The following RAPGEF2 variants were observed in gnomAD, a reference collection of about 807,000 sequenced individuals.
RAPGEF2 encodes Rap guanine nucleotide exchange factor 2.
A neutral mutation model predicts 186.7 loss-of-function variants in RAPGEF2; 54 were observed. The observed-to-expected ratio is 0.29, with a 90% CI of 0.23 to 0.36. RAPGEF2 has a LOEUF of 0.36. Ranked by LOEUF, RAPGEF2 falls within the 10% of genes least tolerant of loss-of-function variation. The pLI is 1.00. For missense variants in RAPGEF2, 1,532 were observed against 2,045.0 expected, an observed-to-expected ratio of 0.75 and a Z score of 4.84; for synonymous variants, 712 against 705.9, an observed-to-expected ratio of 1.01 and a Z score of -0.14.
intron 8 of RAPGEF2, among the ~76,000 whole-genome samples, chr4:159,307,829 G>A (rs553855817): frequency 5.3e-5 from 8 of 152,198 alleles, no homozygotes; most frequent in African/African-American, 1.9e-4. Flanking sequence ...AAATTAGCCA[G>A]GTGTAGTGGT....
chr4:159,342,723 A>G (rs1053141177), intron 20 of RAPGEF2, among the ~76,000 whole-genome samples: 1 of 151,908 alleles, frequency 6.6e-6, no homozygotes, highest in Admixed American at 6.6e-5. Flanking sequence ...CAATACTTAC[A>G]TTCAGGTGGT....
chr4:159,355,880 C>CT lies in RAPGEF2; in HGVS notation c.4679_4680insT (p.Pro1562AlafsTer13). ...CGAAAGGAGGGCAGGTATCGAGAGC[C>CT]CCCGCCCACCCCTCCCGGCTACATT... is the stretch of plus-strand genomic sequence containing the variant. On this transcript the variant is annotated frameshift_variant, in exon 29 of 30. Transcript: ENST00000691494. LOFTEE classifies it high-confidence loss of function. 1 of 1,526,972 alleles carries CT rather than the reference C, an allele frequency of 6.5e-7. No individual in the cohort carries two copies. The highest frequency in any genetic ancestry group is 8.9e-7 in the Non-Finnish European group (1 of 1,126,514). 94.6% of individuals were successfully genotyped at this position (1,526,972 alleles called of 1,614,324 possible).
At chr4:159,184,484 G>T (rs1276607178) in intron 1 of RAPGEF2, among the ~76,000 whole-genome samples, 2 of 152,168 alleles carry the variant, frequency 1.3e-5, no homozygotes, top group Non-Finnish European at 2.9e-5. Flanking sequence ...GCATTTCTCT[G>T]ATGGCCAGTG....
At chr4:159,115,193 AT>A (rs1318579824) in intron 1 of RAPGEF2, among the ~76,000 whole-genome samples, 1 of 151,918 alleles carries the variant, frequency 6.6e-6, no homozygotes, top group African/African-American at 2.4e-5. Context: ...AATATTATGT[AT>A]TTTTTTCATA....
intron 4 of RAPGEF2, among the ~76,000 whole-genome samples, chr4:159,236,201 T>C (rs1020717145): frequency 3.9e-5 from 6 of 152,240 alleles, no homozygotes; most frequent in Non-Finnish European, 7.3e-5. Flanking sequence ...AACTCGAGTC[T>C]TTTTATGGTT....
intron 1 of RAPGEF2, among the ~76,000 whole-genome samples, chr4:159,147,722 A>C (rs1743095300): frequency 1.3e-5 from 2 of 152,342 alleles, no homozygotes; most frequent in African/African-American, 4.8e-5. Flanking sequence ...ATTCATATAC[A>C]TGTGAGTAGA....
chr4:159,224,737 C>T (rs543025334), intron 4 of RAPGEF2, among the ~76,000 whole-genome samples: 12 of 152,110 alleles, frequency 7.9e-5, no homozygotes, highest in African/African-American at 2.9e-4. Flanking sequence ...GAAGAGAATC[C>T]CTGGAAGATC....
rs374467858 is a variant in RAPGEF2 at position 159,343,208 on chromosome 4, G to C, written c.3130+18G>C. The C allele has an allele frequency of 6.2e-7, 1 of 1,613,894 alleles. No homozygotes were observed. The highest frequency in any genetic ancestry group is 8.5e-7 in the Non-Finnish European group (1 of 1,179,862). ...TCACGAAGGTAAACATAAGGCAGAG[G>C]GTTTCCATCTTTGCTTGAAGAAGCA... On this transcript the variant is annotated intron_variant, in intron 21 of 29. Coordinates refer to ENST00000691494, the MANE Select transcript of RAPGEF2 (RefSeq NM_001394067.2).
intron 2 of RAPGEF2, among the ~76,000 whole-genome samples, chr4:159,188,657 A>G (rs1432613801): frequency 7.0e-6 from 1 of 143,744 alleles, no homozygotes; most frequent in East Asian, 2.0e-4. Flanking sequence ...GAATGAGACT[A>G]CATCTCAAAA....
At chr4:159,187,808 T>C (rs1442028451) in intron 2 of RAPGEF2, among the ~76,000 whole-genome samples, 1 of 152,220 alleles carries the variant, frequency 6.6e-6, no homozygotes, top group Non-Finnish European at 1.5e-5. Flanking sequence ...TTTCCAGGTC[T>C]AGCTATTTTT....
At chr4:159,269,467 G>A (rs1409099158) in intron 7 of RAPGEF2, among the ~76,000 whole-genome samples, 5 of 152,072 alleles carry the variant, frequency 3.3e-5, no homozygotes, top group Admixed American at 3.3e-4. Context: ...TCACTAGTAG[G>A]AAAGGTTGTT....
At chr4:159,312,504 T>C (rs1373767344) in intron 8 of RAPGEF2, among the ~76,000 whole-genome samples, 1 of 152,152 alleles carries the variant, frequency 6.6e-6, no homozygotes, top group East Asian at 1.9e-4. Flanking sequence ...AATCTAGCAA[T>C]GATTCAGTTA....
chr4:159,103,597 G>GCCGAGGCGC lies in RAPGEF2; in HGVS notation c.-559_-551dup, dbSNP rs1310542609. Reference sequence around the variant, plus strand: ...ACCTGGTCCGTCCTCCCGACCGGCGGCCGAGGCGCCCGAGGACTGGGGACG... The same window carrying GCCGAGGCGC: ...ACCTGGTCCGTCCTCCCGACCGGCGGCCGAGGCGCCCGAGGCGCCCGAGGACTGGGGACG... On this transcript the variant is annotated 5_prime_UTR_variant, in exon 1 of 30. Transcript: ENST00000691494. The GCCGAGGCGC allele has an allele frequency of 2.0e-5, 3 of 153,158 alleles. No individual in the cohort carries two copies. Among genetic ancestry groups the GCCGAGGCGC allele is most frequent in the Non-Finnish European group, 4.4e-5 (3 of 68,436 alleles). 9.5% of individuals were successfully genotyped at this position (153,158 alleles called of 1,614,324 possible).
chr4:159,346,956 C>A lies in RAPGEF2; in HGVS notation c.3670C>A (p.Pro1224Thr). Residue 1224 changes from proline (P) to threonine (T), a missense_variant, in exon 25 of 30, where the codon CCT (proline) becomes ACT (threonine). Transcript: ENST00000691494. Reference sequence around the variant, plus strand: ...ACAGGTTCCCGCCGTGTCCCTTTATCCTTCACGGAAGAAAGTGCCCGTAAA... The same window carrying A: ...ACAGGTTCCCGCCGTGTCCCTTTATACTTCACGGAAGAAAGTGCCCGTAAA... ...GLQVPAVSLY[P>T]SRKKVPVKDL... is the part of the protein sequence containing the mutation. The A allele has an allele frequency of 3.7e-6, 6 of 1,614,204 alleles. No individual in the cohort carries two copies. The highest frequency in any genetic ancestry group is 5.1e-6 in the Non-Finnish European group (6 of 1,180,032).
intron 1 of RAPGEF2, among the ~76,000 whole-genome samples, chr4:159,125,564 C>T (rs1487274945): frequency 6.6e-6 from 1 of 152,004 alleles, no homozygotes; most frequent in Non-Finnish European, 1.5e-5. Flanking sequence ...TGAGACCATC[C>T]TGGCTAACAC....
intron 1 of RAPGEF2, among the ~76,000 whole-genome samples, chr4:159,172,358 G>C (rs1561042267): frequency 6.6e-6 from 1 of 152,186 alleles, no homozygotes; most frequent in Non-Finnish European, 1.5e-5. Context: ...TAGGAAATGT[G>C]AAGTTGGGAA....
At chr4:159,309,643 T>C (rs1431839395) in intron 8 of RAPGEF2, among the ~76,000 whole-genome samples, 1 of 152,170 alleles carries the variant, frequency 6.6e-6, no homozygotes, top group Admixed American at 6.5e-5. Context: ...AGGTTGTTGG[T>C]GATTGAAAGC....
chr4:159,189,623 C>T (rs931991736), intron 2 of RAPGEF2, among the ~76,000 whole-genome samples: 20 of 152,086 alleles, frequency 1.3e-4, no homozygotes, highest in Non-Finnish European at 7.4e-5. Context: ...ACTATATAGG[C>T]GCCTTTAGAT....
chr4:159,241,311 T>C lies in RAPGEF2; in HGVS notation c.468T>C (p.Ile156=). 6.5e-7 allele frequency: 1 copy of C among 1,532,750 alleles called. No homozygotes were observed. Among genetic ancestry groups the C allele is most frequent in the Non-Finnish European group, 8.7e-7 (1 of 1,144,830 alleles). The allele number at this position is 1,532,750 out of a possible 1,614,324, so 94.9% of individuals were successfully genotyped here. The change falls in exon 6 of 30, where the codon ATT becomes ATC. Residue 156 remains isoleucine, a synonymous_variant. Transcript: ENST00000691494. The stretch of plus-strand genomic sequence containing the variant: ...AGAAAGGTGAAAGACAAACAATTAT[T>C]GACACTGTGGATCCTTATCCCATGG... The part of the protein sequence containing the change: ...INQKGERQTI[I]DTVDPYPMGK...
Sources: allele counts gnomAD v4.1 joint callset (sites outside exome capture counted in the v4.1 genomes callset), GRCh38; gene constraint gnomAD v4.1.1; transcripts MANE v1.5; gene names NCBI Gene and HGNC (gene_info 2026-07-23, HGNC 2026-07-21).